Variants in KCNQ1OT1 observed in about 807,000 individuals in gnomAD.
KCNQ1OT1 encodes the protein KCNQ1 opposite strand/antisense transcript 1, also known as KCNQ1 antisense RNA 2 (non-protein coding).
chr11:2,690,461 A>G lies in KCNQ1OT1; in HGVS notation n.9534T>C, dbSNP rs959608629. 1 of 398,486 alleles carries G rather than the reference A, an allele frequency of 2.5e-6. No individual in the cohort carries two copies. The highest frequency in any genetic ancestry group is 4.4e-5 in the Admixed American group (1 of 22,716). The allele number at this position is 398,486 out of a possible 1,614,324, so 24.7% of individuals were successfully genotyped here. ...GAGCTGGGTTAAGATAAGAGCAGAG[A>G]CTGGGTCCTGGGAACAGCCACTGGG... is the stretch of plus-strand genomic sequence containing the variant. On this transcript the variant is annotated non_coding_transcript_exon_variant, in exon 1 of 1. Transcript: ENST00000597346. This position sits in a 1 kb window ranked among gnomAD's most constrained non-coding sequence, Gnocchi z 5.1.
At chr11:2,619,593 C>T (rs1376926179) in exon 1 of KCNQ1OT1, 3 of 398,252 alleles carry the variant, frequency 7.5e-6, no homozygotes, top group South Asian at 1.3e-4. Flanking sequence ...ATTTTTGCAT[C>T]GGTATTCTTG....
chr11:2,685,515 C>T (rs542013800), exon 1 of KCNQ1OT1: 6 of 398,752 alleles, frequency 1.5e-5, no homozygotes, highest in East Asian at 1.1e-4. Context: ...AGACAGGAGA[C>T]GCTAGTCCTA....
chr11:2,612,232 C>T lies in KCNQ1OT1; in HGVS notation n.87763G>A. ...CTGCCTCCTGTCTGATCAGTGATGGCATTAGATTCTCACAGAGAGCAAATC... is the reference window on the plus strand; with the variant it reads ...CTGCCTCCTGTCTGATCAGTGATGGTATTAGATTCTCACAGAGAGCAAATC... On this transcript the variant is annotated non_coding_transcript_exon_variant, in exon 1 of 1. Coordinates refer to ENST00000597346, the Ensembl canonical transcript of KCNQ1OT1. The surrounding 1 kb of genome is among the most constrained non-coding windows in gnomAD (Gnocchi z 5.5). 1 of 398,596 alleles carries T rather than the reference C, an allele frequency of 2.5e-6. No homozygotes were observed. The highest frequency in any genetic ancestry group is 3.6e-5 in the East Asian group (1 of 28,072). The allele number at this position is 398,596 out of a possible 1,614,324, so 24.7% of individuals were successfully genotyped here.
chr11:2,635,136 A>T (rs555612074), exon 1 of KCNQ1OT1: 1 of 152,104 alleles, frequency 6.6e-6, no homozygotes, highest in Non-Finnish European at 1.5e-5. Context: ...TAGGTTGCCT[A>T]TTCACTCTGA....
exon 1 of KCNQ1OT1, chr11:2,637,436 T>C (rs1391889409): frequency 1.3e-5 from 2 of 152,282 alleles, no homozygotes; most frequent in African/African-American, 4.8e-5. Context: ...TTCATTTCGT[T>C]ATGTACCCAG....
chr11:2,645,612 A>T lies in KCNQ1OT1; in HGVS notation n.54383T>A. The T allele has an allele frequency of 2.5e-6, 1 of 398,720 alleles. No homozygotes were observed. Among genetic ancestry groups the T allele is most frequent in the East Asian group, 3.6e-5 (1 of 28,068 alleles). The allele number at this position is 398,720 out of a possible 1,614,324, so 24.7% of individuals were successfully genotyped here. ...CATGCTTCGGCCCCAGGTGGTGACT[A>T]TGGGCAGGGTCACCTTTCCTCATGG... On this transcript the variant is annotated non_coding_transcript_exon_variant, in exon 1 of 1. Coordinates refer to ENST00000597346, the Ensembl canonical transcript of KCNQ1OT1. The surrounding 1 kb of genome is among the most constrained non-coding windows in gnomAD (Gnocchi z 5.8).
exon 1 of KCNQ1OT1, chr11:2,631,229 C>G (rs1181145539): frequency 2.5e-6 from 1 of 398,506 alleles, no homozygotes; most frequent in East Asian, 3.6e-5. Flanking sequence ...AACATTAACT[C>G]TCCTGATGGT....
In KCNQ1OT1 at chr11:2,653,891, T is replaced by G; in HGVS notation, n.46104A>C. ...TAGGAGTGGGAAAGGAAGAGCCCCC[T>G]AAGGAAGATTTGAGAAGCTGTTCCC... On this transcript the variant is annotated non_coding_transcript_exon_variant, in exon 1 of 1. Transcript: ENST00000597346. The surrounding 1 kb of genome is among the most constrained non-coding windows in gnomAD (Gnocchi z 5.3). 2.5e-6 allele frequency: 1 copy of G among 398,634 alleles called. No individual in the cohort carries two copies. Among genetic ancestry groups the G allele is most frequent in the Non-Finnish European group, 4.4e-6 (1 of 226,114 alleles). 24.7% of individuals were successfully genotyped at this position (398,634 alleles called of 1,614,324 possible).
At chr11:2,692,735 T>C (rs931201155) in exon 1 of KCNQ1OT1, 30 of 398,564 alleles carry the variant, frequency 7.5e-5, no homozygotes, top group Non-Finnish European at 2.7e-5. Context: ...CCTGCTCCTA[T>C]CAAATCCCTC....
Position 2,624,805 on chromosome 11 carries a change from T to C in KCNQ1OT1, n.75190A>G. 2.5e-6 allele frequency: 1 copy of C among 398,616 alleles called. No individual in the cohort carries two copies. Among genetic ancestry groups the C allele is most frequent in the Non-Finnish European group, 4.4e-6 (1 of 226,060 alleles). The allele number at this position is 398,616 out of a possible 1,614,324, so 24.7% of individuals were successfully genotyped here. Reference sequence around the variant, plus strand: ...CTTTCTATGTCTCTGATTTGACTATTCTACATACCTCATATAAGTGGAAAC... The same window carrying C: ...CTTTCTATGTCTCTGATTTGACTATCCTACATACCTCATATAAGTGGAAAC... On this transcript the variant is annotated non_coding_transcript_exon_variant, in exon 1 of 1. Transcript: ENST00000597346. This position sits in a 1 kb window ranked among gnomAD's most constrained non-coding sequence, Gnocchi z 4.9.
At position 2,658,611 on chromosome 11, in the gene KCNQ1OT1, G is replaced by T. The variant is rs1849894769; in HGVS notation, n.41384C>A. The T allele has an allele frequency of 5.0e-6, 2 of 398,394 alleles. No homozygotes were observed. The highest frequency in any genetic ancestry group is 7.1e-5 in the East Asian group (2 of 28,068). The allele number at this position is 398,394 out of a possible 1,614,324, so 24.7% of individuals were successfully genotyped here. ...TCCCTGGAGAATGAATAGAAAACCT[G>T]GATCTAGGCACGGGGTATGCTCGTG... On this transcript the variant is annotated non_coding_transcript_exon_variant, in exon 1 of 1. Transcript: ENST00000597346. The surrounding 1 kb of genome is among the most constrained non-coding windows in gnomAD (Gnocchi z 4.9).
rs1055115625 is a variant in KCNQ1OT1, at chr11:2,613,748, A to T, written n.86247T>A. The T allele has an allele frequency of 1.0e-5, 4 of 398,420 alleles. No homozygotes were observed. Among genetic ancestry groups the T allele is most frequent in the Non-Finnish European group, 1.8e-5 (4 of 226,038 alleles). 24.7% of individuals were successfully genotyped at this position (398,420 alleles called of 1,614,324 possible). On this transcript the variant is annotated non_coding_transcript_exon_variant, in exon 1 of 1. Transcript: ENST00000597346. The surrounding 1 kb of genome is among the most constrained non-coding windows in gnomAD (Gnocchi z 4.8). ...ATACTTCCAAAAGTCAATACTAAAC[A>T]AAAGGAGCTACTGAGAGAAATCTTC...
chr11:2,622,354 G>T (rs1347389112), exon 1 of KCNQ1OT1: 2 of 397,944 alleles, frequency 5.0e-6, no homozygotes, highest in Non-Finnish European at 8.9e-6. Context: ...TCTTTTATTA[G>T]TATAATTACC....
At chr11:2,649,861 G>A (rs1849730752) in exon 1 of KCNQ1OT1, 1 of 398,408 alleles carries the variant, frequency 2.5e-6, no homozygotes, top group South Asian at 1.3e-4. Context: ...CAGTTTTCAG[G>A]TATTATCTTC....
In KCNQ1OT1 at chr11:2,664,788, T is replaced by A. The variant is rs529252167; in HGVS notation, n.35207A>T. The A allele has an allele frequency of 1.5e-5, 6 of 398,728 alleles. No individual in the cohort carries two copies. In the East Asian group the frequency reaches 2.1e-4, roughly 14 times the overall value. 24.7% of individuals were successfully genotyped at this position (398,728 alleles called of 1,614,324 possible). A position where few individuals can be genotyped will look rare whatever the true frequency, so the allele number is the denominator to read the frequency against. ...GGGGGCAGAGTGGGTGGGAGGCAGT[T>A]ACCAAAAAACATTTCCATTTTTCTT... On this transcript the variant is annotated non_coding_transcript_exon_variant, in exon 1 of 1. Transcript: ENST00000597346. The surrounding 1 kb of genome is among the most constrained non-coding windows in gnomAD (Gnocchi z 5.1).
chr11:2,663,656 G>A lies in KCNQ1OT1; in HGVS notation n.36339C>T, dbSNP rs1292049618. ...GCAAAAAGTCCTACTGGGAGGAGAGGGCCATCACCCACAGTCCATCTAGCT... is the reference window on the plus strand; with the variant it reads ...GCAAAAAGTCCTACTGGGAGGAGAGAGCCATCACCCACAGTCCATCTAGCT... On this transcript the variant is annotated non_coding_transcript_exon_variant, in exon 1 of 1. Transcript: ENST00000597346. This position sits in a 1 kb window ranked among gnomAD's most constrained non-coding sequence, Gnocchi z 5.2. 2.5e-5 allele frequency: 10 copies of A among 398,518 alleles called. No individual in the cohort carries two copies. The highest frequency in any genetic ancestry group is 4.4e-5 in the Non-Finnish European group (10 of 226,094). The allele number at this position is 398,518 out of a possible 1,614,324, so 24.7% of individuals were successfully genotyped here.
chr11:2,610,436 A>G lies in KCNQ1OT1; in HGVS notation n.89559T>C, dbSNP rs183244017. ...TCTGTTTTATTAACCTCCTTATATC[A>G]TATATTTGATCCACTTTTTTGGTTT... is the stretch of plus-strand genomic sequence containing the variant. On this transcript the variant is annotated non_coding_transcript_exon_variant, in exon 1 of 1. Coordinates refer to ENST00000597346, the Ensembl canonical transcript of KCNQ1OT1. The G allele has an allele frequency of 7.5e-4, 300 of 398,340 alleles. 1 individual carries two copies. The highest frequency in any genetic ancestry group is 4.4e-3 in the African/African-American group (214 of 48,712). 24.7% of individuals were successfully genotyped at this position (398,340 alleles called of 1,614,324 possible). A position where few individuals can be genotyped will look rare whatever the true frequency, so the allele number is the denominator to read the frequency against.
chr11:2,640,195 G>C (rs1374503655), exon 1 of KCNQ1OT1: 1 of 391,250 alleles, frequency 2.6e-6, no homozygotes, highest in Non-Finnish European at 4.5e-6. Flanking sequence ...CTCACACTCA[G>C]TGGGCTGCAC....
At chr11:2,632,791 T>C in exon 1 of KCNQ1OT1, 2 of 398,462 alleles carry the variant, frequency 5.0e-6, no homozygotes, top group South Asian at 1.3e-4. Context: ...CCATTGTGTA[T>C]ACATACCACA....
Sources: gnomAD v4.1 joint callset for allele counts on GRCh38, gnomAD v4.1.1 for gene constraint, Gnocchi (gnomAD v3.1) non-coding constraint, MANE v1.5 for transcripts, NCBI Gene and HGNC (gene_info 2026-07-23, HGNC 2026-07-21) for gene names.